EIF4ENIF1: variants seen among roughly 807,000 people sequenced by gnomAD.
The protein encoded by EIF4ENIF1 is eukaryotic translation initiation factor 4E transporter.
EIF4ENIF1 carries 23 observed loss-of-function variants against 110.5 expected under a neutral mutation model. That is an observed-to-expected ratio of 0.21 (90% CI 0.15 to 0.29). The LOEUF (loss-of-function observed/expected upper bound fraction) is 0.29. Ranked by LOEUF, EIF4ENIF1 falls within the 10% of genes least tolerant of loss-of-function variation. The pLI, the probability that EIF4ENIF1 is intolerant of heterozygous loss-of-function variation, is 1.00. For missense variants in EIF4ENIF1, 1,031 were observed against 1,221.1 expected, an observed-to-expected ratio of 0.84 and a Z score of 2.32; for synonymous variants, 440 against 437.0, an observed-to-expected ratio of 1.01 and a Z score of -0.09.
intron 2 of EIF4ENIF1, among the ~76,000 whole-genome samples, chr22:31,480,712 G>A (rs575731684): frequency 1.2e-4 from 19 of 152,038 alleles, no homozygotes; most frequent in Admixed American, 1.1e-3. Flanking sequence ...CCAAGATCAC[G>A]CCATTGCACT....
chr22:31,459,180 G>A (rs2050917473), intron 6 of EIF4ENIF1, among the ~76,000 whole-genome samples: 1 of 151,994 alleles, frequency 6.6e-6, no homozygotes, highest in Non-Finnish European at 1.5e-5. Context: ...CTCCTGCCTT[G>A]GCCTCCCAAA....
chr22:31,447,446 G>A lies in EIF4ENIF1; in HGVS notation c.1968C>T (p.Thr656=), dbSNP rs1359664892. 1.9e-6 allele frequency: 3 copies of A among 1,612,528 alleles called. No homozygotes were observed. Among genetic ancestry groups the A allele is most frequent in the Admixed American group, 3.4e-5 (2 of 59,680 alleles). The change falls in exon 14 of 19, where the codon ACC becomes ACT. Residue 656 remains threonine, a synonymous_variant. Transcript: ENST00000330125. ...TTTACCTGTTTCTGAATCCATCTCT[G>A]GTTCTGTCCACCTGTGGTTTGCCAA... ...PGFGKPQVDR[T]RDGFRNRQQR... is the part of the protein sequence containing the mutation.
At chr22:31,478,823 G>A (rs1270979228) in intron 2 of EIF4ENIF1, among the ~76,000 whole-genome samples, 5 of 151,580 alleles carry the variant, frequency 3.3e-5, no homozygotes, top group Non-Finnish European at 2.9e-5. Context: ...GTGGTGGCAG[G>A]TGCCTGTAGT....
intron 3 of EIF4ENIF1, among the ~76,000 whole-genome samples, chr22:31,470,357 C>T (rs1483106754): frequency 2.0e-5 from 3 of 151,198 alleles, no homozygotes; most frequent in South Asian, 2.1e-4. Flanking sequence ...CTAGGATCAA[C>T]GCAACCTCCA....
intron 6 of EIF4ENIF1, among the ~76,000 whole-genome samples, chr22:31,461,344 C>A (rs1569084599): frequency 6.6e-6 from 1 of 152,174 alleles, no homozygotes; most frequent in East Asian, 1.9e-4. Context: ...CCAATGGGCT[C>A]CCACTCTGCA....
chr22:31,442,571 C>G (rs1366986347), intron 16 of EIF4ENIF1, among the ~76,000 whole-genome samples: 3 of 152,214 alleles, frequency 2.0e-5, no homozygotes, highest in Non-Finnish European at 2.9e-5. Context: ...CTAAAAGCCT[C>G]TCACATATTT....
chr22:31,463,363 CAT>C (rs1396448865), intron 5 of EIF4ENIF1, among the ~76,000 whole-genome samples: 1 of 151,992 alleles, frequency 6.6e-6, no homozygotes, highest in Non-Finnish European at 1.5e-5. Context: ...TCCCCAAGCA[CAT>C]GAACTACCAA....
intron 6 of EIF4ENIF1, among the ~76,000 whole-genome samples, chr22:31,462,116 C>T (rs1015475270): frequency 6.6e-6 from 1 of 152,154 alleles, no homozygotes; most frequent in African/African-American, 2.4e-5. Flanking sequence ...TAACTTCAGA[C>T]TTTTCTGTTT....
At chr22:31,484,753 G>A (rs2146103933) in intron 2 of EIF4ENIF1, among the ~76,000 whole-genome samples, 2 of 152,310 alleles carry the variant, frequency 1.3e-5, no homozygotes, top group Admixed American at 1.3e-4. Context: ...AGAATAGGTT[G>A]AACCTGGGGC....
chr22:31,444,266 A>G (rs538989065), intron 15 of EIF4ENIF1, among the ~76,000 whole-genome samples: 2 of 152,246 alleles, frequency 1.3e-5, no homozygotes, highest in South Asian at 4.1e-4. Flanking sequence ...TGTCTGACCC[A>G]GTCACCTCTG....
intron 2 of EIF4ENIF1, among the ~76,000 whole-genome samples, chr22:31,483,479 A>G (rs5753648): frequency 0.22 from 33,121 of 151,888 alleles, 4,622 homozygotes; most frequent in East Asian, 0.44. Flanking sequence ...CTGGGATTAC[A>G]AGTGTGAGCC....
At chr22:31,468,053 C>T (rs1015178337) in intron 4 of EIF4ENIF1, 122 bp downstream of exon 4, 1 of 1,410,164 alleles carries the variant, frequency 7.1e-7, no homozygotes, top group Non-Finnish European at 9.6e-7. Context: ...ACCGATAAAT[C>T]AGTTTCCTGA....
intron 2 of EIF4ENIF1, among the ~76,000 whole-genome samples, chr22:31,483,863 G>T (rs1011993248): frequency 6.6e-6 from 1 of 152,118 alleles, no homozygotes; most frequent in Non-Finnish European, 1.5e-5. Context: ...AAACAGACCA[G>T]CATTTATAAC....
At chr22:31,447,680 A>C in intron 13 of EIF4ENIF1, 115 bp from the exon 14 acceptor site, 1 of 1,100,928 alleles carries the variant, frequency 9.1e-7, no homozygotes, top group Non-Finnish European at 1.3e-6. Flanking sequence ...AAAATTAGAT[A>C]CTGCGAAACT....
At chr22:31,438,658 T>TG (rs1243382565), downstream of EIF4ENIF1, among the ~76,000 whole-genome samples, 1 of 152,164 alleles carries the variant, frequency 6.6e-6, no homozygotes, top group Non-Finnish European at 1.5e-5. Context: ...ACTGACCTGT[T>TG]GGGGTCTTTA....
chr22:31,438,363 A>AAAAC (rs1297210099), downstream of EIF4ENIF1, among the ~76,000 whole-genome samples: 2 of 152,202 alleles, frequency 1.3e-5, no homozygotes, highest in Non-Finnish European at 2.9e-5. Context: ...GGTGAATAAT[A>AAAAC]AAACAATTGT....
rs551478938 is a variant in EIF4ENIF1, at chr22:31,480,942, A to G, written c.96+7681T>C. ...GCTGGGCATGGTGGCACACACCTGT[A>G]ATCCCAACTACTCAGGAGGCTGAGG... is the stretch of plus-strand genomic sequence containing the variant. On this transcript the variant is annotated intron_variant, in intron 2 of 18. Transcript: ENST00000330125. Among the ~76,000 whole-genome samples the G allele has an allele frequency of 1.2e-3, 184 of 152,274 alleles. 1 individual carries two copies. The highest frequency in any genetic ancestry group is 1.2e-3 in the Non-Finnish European group (80 of 68,028).
At chr22:31,449,655 G>T in intron 11 of EIF4ENIF1, 124 bp from the exon 12 acceptor site, 2 of 793,828 alleles carry the variant, frequency 2.5e-6, no homozygotes, top group African/African-American at 1.7e-5. Context: ...GAAGGACTTG[G>T]CATGTGTACA....
chr22:31,469,116 A>C (rs773005701), intron 3 of EIF4ENIF1, among the ~76,000 whole-genome samples: 15 of 152,144 alleles, frequency 9.9e-5, no homozygotes, highest in Non-Finnish European at 1.5e-4. Flanking sequence ...GTTTTATTTT[A>C]TTCTCTGTGT....
Sources: allele counts gnomAD v4.1 joint callset (sites outside exome capture counted in the v4.1 genomes callset), GRCh38; gene constraint gnomAD v4.1.1; transcripts MANE v1.5; gene names NCBI Gene and HGNC (gene_info 2026-07-23, HGNC 2026-07-21).